Variants in CMIP observed in about 807,000 individuals in gnomAD.
CMIP encodes the protein c-Maf inducing protein.
CMIP carries 13 observed loss-of-function variants against 97.3 expected under a neutral mutation model. The ratio of observed to expected loss-of-function variants is 0.13; its 90% CI spans 0.09 to 0.21. The LOEUF (loss-of-function observed/expected upper bound fraction) is 0.21, where lower values mean the gene tolerates loss of function less well. Ranked by LOEUF, CMIP falls within the 10% of genes least tolerant of loss-of-function variation. The pLI, the probability that CMIP is intolerant of heterozygous loss-of-function variation, is 1.00. For missense variants in CMIP, 847 were observed against 1,024.9 expected, an observed-to-expected ratio of 0.83 and a Z score of 2.37; for synonymous variants, 538 against 436.3, an observed-to-expected ratio of 1.23 and a Z score of -2.91.
At chr16:81,679,189 C>T (rs944393757) in intron 10 of CMIP, among the ~76,000 whole-genome samples, 4 of 152,048 alleles carry the variant, frequency 2.6e-5, no homozygotes, top group African/African-American at 9.7e-5. Flanking sequence ...CACACGTGGT[C>T]TGCCGAGTGT....
intron 1 of CMIP, among the ~76,000 whole-genome samples, chr16:81,545,228 A>G (rs986798052): frequency 1.3e-5 from 2 of 152,288 alleles, no homozygotes; most frequent in South Asian, 4.1e-4. Context: ...GGCTGACCAC[A>G]GGTACTGTGG....
chr16:81,506,082 A>G (rs912793483), intron 1 of CMIP, among the ~76,000 whole-genome samples: 2 of 152,238 alleles, frequency 1.3e-5, no homozygotes, highest in African/African-American at 4.8e-5. Context: ...AGCAGTTTAC[A>G]CACGTTGTCT....
intron 5 of CMIP, among the ~76,000 whole-genome samples, chr16:81,660,397 C>T (rs11643637): frequency 0.32 from 48,232 of 151,746 alleles, 8,218 homozygotes; most frequent in Middle Eastern, 0.47. Flanking sequence ...CTCAGCCTCC[C>T]GAGTAGCTGG....
chr16:81,517,281 A>G (rs1259699419), intron 1 of CMIP, among the ~76,000 whole-genome samples: 5 of 102,824 alleles, frequency 4.9e-5, no homozygotes, highest in Non-Finnish European at 7.6e-5. Context: ...TCATCAGTGA[A>G]AAATCAGACA....
intron 1 of CMIP, among the ~76,000 whole-genome samples, chr16:81,586,223 AT>A (rs900449353): frequency 2.0e-5 from 3 of 151,988 alleles, no homozygotes; most frequent in African/African-American, 7.3e-5. Context: ...CAGAGATGGG[AT>A]TTTGGGCCCT....
rs760703923 is a variant in CMIP, at chr16:81,655,787, A to G, written c.640-1988A>G. On this transcript the variant is annotated intron_variant, in intron 4 of 20. Coordinates refer to ENST00000537098, the MANE Select transcript of CMIP (RefSeq NM_198390.3). The surrounding 1 kb of genome is among the most constrained non-coding windows in gnomAD (Gnocchi z 4.9). The stretch of plus-strand genomic sequence containing the variant: ...TAAGGACAGACGGGTTCATATCCTC[A>G]CTGCAGCCCCTATTACCCTGCGCCT... Among the ~76,000 whole-genome samples, 6 of 152,286 alleles carry G rather than the reference A, an allele frequency of 3.9e-5. No homozygotes were observed. The highest frequency in any genetic ancestry group is 3.4e-3 in the Middle Eastern group (1 of 294).
chr16:81,456,745 T>C (rs1447862417), intron 1 of CMIP, among the ~76,000 whole-genome samples: 1 of 152,068 alleles, frequency 6.6e-6, no homozygotes, highest in South Asian at 2.1e-4. Context: ...AAGCAGAGTT[T>C]TGGGGCTGCA....
chr16:81,475,390 C>T (rs187345588), intron 1 of CMIP, among the ~76,000 whole-genome samples: 3 of 152,302 alleles, frequency 2.0e-5, no homozygotes, highest in African/African-American at 4.8e-5. Context: ...GATTTCAAAC[C>T]CTTCCTTTTC....
chr16:81,571,411 C>T (rs753549870), intron 1 of CMIP, among the ~76,000 whole-genome samples: 12 of 151,752 alleles, frequency 7.9e-5, no homozygotes, highest in Non-Finnish European at 1.8e-4. Context: ...GAGGCTGCAG[C>T]GAGCAGGGAT....
chr16:81,502,846 C>A (rs2089637859), intron 1 of CMIP, among the ~76,000 whole-genome samples: 1 of 152,226 alleles, frequency 6.6e-6, no homozygotes, highest in Non-Finnish European at 1.5e-5. Context: ...AATTTCCATT[C>A]CTGAACAGGC....
chr16:81,614,715 G>T lies in CMIP; in HGVS notation c.427-6161G>T, dbSNP rs535884608. ...GTGTGTGTATGGTATGTCTGCATGTGTGTGCGTACACATGTGTGTCTCTGT... is the reference window on the plus strand; with the variant it reads ...GTGTGTGTATGGTATGTCTGCATGTTTGTGCGTACACATGTGTGTCTCTGT... On this transcript the variant is annotated intron_variant, in intron 2 of 20. Transcript: ENST00000537098. The surrounding 1 kb of genome is among the most constrained non-coding windows in gnomAD (Gnocchi z 5.3). 2.6e-5 allele frequency among the ~76,000 whole-genome samples: 4 copies of T among 151,904 alleles called. No individual in the cohort carries two copies. The East Asian group carries it at 7.7e-4, about 29-fold the overall frequency.
chr16:81,608,460 G>C (rs1028576852), intron 2 of CMIP, among the ~76,000 whole-genome samples: 2 of 152,094 alleles, frequency 1.3e-5, no homozygotes, highest in African/African-American at 4.8e-5. Context: ...CACATCCTTA[G>C]AGGCTGTAAT....
At chr16:81,468,914 G>T (rs1332552280) in intron 1 of CMIP, among the ~76,000 whole-genome samples, 1 of 152,350 alleles carries the variant, frequency 6.6e-6, no homozygotes, top group African/African-American at 2.4e-5. Context: ...TGTGGAGGGC[G>T]GACGCAGTGA....
chr16:81,458,776 T>G (rs1295311238), intron 1 of CMIP, among the ~76,000 whole-genome samples: 1 of 152,132 alleles, frequency 6.6e-6, no homozygotes, highest in East Asian at 1.9e-4. Context: ...AGTGGTGTGA[T>G]CCAGCTCTCA....
intron 1 of CMIP, among the ~76,000 whole-genome samples, chr16:81,547,396 C>T (rs922753360): frequency 6.6e-6 from 1 of 152,154 alleles, no homozygotes; most frequent in African/African-American, 2.4e-5. Context: ...AGGCTCCCTG[C>T]TGGCCCTTCC....
rs375731075 is a variant in CMIP at position 81,678,643 on chromosome 16, C to G, written c.1388+15C>G. On this transcript the variant is annotated intron_variant, in intron 10 of 20. Transcript: ENST00000537098. ...CTCAAGCTGCTGTGAGTGCCCCCCC[C>G]GCGTGCCCGCCCCCGGGGCCGGTGG... 293 of 1,327,318 alleles carry G rather than the reference C, an allele frequency of 2.2e-4. No homozygotes were observed. The African/African-American group carries it at 3.1e-3, about 14-fold the overall frequency. The allele number at this position is 1,327,318 out of a possible 1,614,324, so 82.2% of individuals were successfully genotyped here. A position where few individuals can be genotyped will look rare whatever the true frequency, so the allele number is the denominator to read the frequency against.
At chr16:81,562,579 G>C (rs115796086) in intron 1 of CMIP, among the ~76,000 whole-genome samples, 1 of 152,250 alleles carries the variant, frequency 6.6e-6, no homozygotes, top group African/African-American at 2.4e-5. Flanking sequence ...GGCTGCCAGG[G>C]TGTCCTCTCC....
At chr16:81,574,086 T>A (rs2091145622) in intron 1 of CMIP, among the ~76,000 whole-genome samples, 1 of 152,182 alleles carries the variant, frequency 6.6e-6, no homozygotes, top group African/African-American at 2.4e-5. Flanking sequence ...AGATCCTTGG[T>A]CACACTAGCC....
At chr16:81,631,098 G>T (rs2092151921) in intron 3 of CMIP, 1 of 152,354 alleles carries the variant, frequency 6.6e-6, no homozygotes, top group South Asian at 2.1e-4. Context: ...ACTAACAAGT[G>T]GCAGAGGGCC....
Sources: allele counts gnomAD v4.1 joint callset (sites outside exome capture counted in the v4.1 genomes callset), GRCh38; gene constraint gnomAD v4.1.1; non-coding constraint Gnocchi (gnomAD v3.1); transcripts MANE v1.5; gene names NCBI Gene and HGNC (gene_info 2026-07-23, HGNC 2026-07-21).